Variants in EFEMP2 observed in about 807,000 individuals in gnomAD.
EFEMP2 encodes the protein EGF-containing fibulin-like extracellular matrix protein 2.
In EFEMP2, 21 loss-of-function variants were observed where a neutral mutation model predicts 55.3. The ratio of observed to expected loss-of-function variants is 0.38; its 90% CI spans 0.27 to 0.55. EFEMP2 has a LOEUF of 0.55. Among genes scored for constraint, EFEMP2 ranks in the 20% least tolerant of loss-of-function variants. The pLI is 0.77. For missense variants in EFEMP2, 513 were observed against 615.1 expected (o/e 0.83, Z 1.76); for synonymous variants, 275 against 242.3 (o/e 1.14, Z -1.25).
chr11:65,869,943 T>G lies in EFEMP2; in HGVS notation c.641A>C (p.Glu214Ala), dbSNP rs1859935059. 1 of 1,613,868 alleles carries G rather than the reference T, an allele frequency of 6.2e-7. No homozygotes were observed. The highest frequency in any genetic ancestry group is 1.1e-5 in the South Asian group (1 of 91,086). The change falls in exon 7 of 11, where the codon GAG becomes GCG. Residue 214 changes from glutamate to alanine, a missense_variant. Physicochemically the swap from Glu to Ala is moderately radical, Grantham distance 107. Coordinates refer to ENST00000307998, the MANE Select transcript of EFEMP2 (RefSeq NM_016938.5). ...CCCATAGGAGTTGAAGCAGCGCTGC[T>G]CGCATGGGGCCCCCATGTCACACTC... The part of the protein sequence containing the change: ...VNECDMGAPC[E>A]QRCFNSYGTF...
At chr11:65,872,499 G>A (rs989631225) in intron 1 of EFEMP2, 138 bp from the exon 2 acceptor site, 3 of 613,588 alleles carry the variant, frequency 4.9e-6, no homozygotes, top group African/African-American at 3.7e-5. Flanking sequence ...GCTGGGGGCC[G>A]ACTCCTCACA....
chr11:65,871,257 G>A lies in EFEMP2; in HGVS notation c.267C>T (p.Asn89=), dbSNP rs572217864. 58 of 1,613,898 alleles carry A rather than the reference G, an allele frequency of 3.6e-5. No individual in the cohort carries two copies. The highest frequency in any genetic ancestry group is 7.7e-5 in the South Asian group (7 of 91,074). ...GCGGGGGTCCCTCGCCGTGTAGGTC[G>A]TTGATGACGGCAGCGGAGCGGGGCA... ...LCLPRSAAVI[N]DLHGEGPPPP... is the part of the protein sequence containing the mutation. The change falls in exon 4 of 11, where the codon AAC becomes AAT. Residue 89 remains asparagine, a synonymous_variant. Coordinates refer to ENST00000307998, the MANE Select transcript of EFEMP2 (RefSeq NM_016938.5).
rs771815109 is a variant in EFEMP2 at position 65,867,858 on chromosome 11, T to C, written c.1170+3A>G. ...TGTCAGTTGAGGGTTGCAGAAACCT[T>C]ACCCTAATGTAAAAGTCCCCCTGCG... is the stretch of plus-strand genomic sequence containing the variant. On this transcript the variant is annotated splice_donor_region_variant and intron_variant, in intron 10 of 10. Coordinates refer to ENST00000307998, the MANE Select transcript of EFEMP2 (RefSeq NM_016938.5). The C allele has an allele frequency of 3.5e-5, 57 of 1,613,808 alleles. No individual in the cohort carries two copies. Among genetic ancestry groups the C allele is most frequent in the Non-Finnish European group, 4.3e-5 (51 of 1,179,928 alleles).
At chr11:65,871,100 G>C (rs1394522410) in intron 4 of EFEMP2, 57 bp downstream of exon 4, 1 of 1,597,962 alleles carries the variant, frequency 6.3e-7, no homozygotes, top group Non-Finnish European at 8.6e-7. Context: ...TGAGGTCTGA[G>C]TTTAAGACGC....
chr11:65,870,018 G>GA (rs1050911701), intron 6 of EFEMP2, 42 bp from the exon 7 acceptor site: 1 of 1,613,228 alleles, frequency 6.2e-7, no homozygotes, highest in African/African-American at 1.3e-5. Context: ...AAGCGGAGGA[G>GA]GAGCCCAGAG....
chr11:65,867,711 G>A, intron 10 of EFEMP2, 150 bp downstream of exon 10: 1 of 800,708 alleles, frequency 1.2e-6, no homozygotes, highest in Non-Finnish European at 2.1e-6. Flanking sequence ...TGCATTTAGA[G>A]TACCCCCGTC....
chr11:65,871,090 T>C (rs1041934523), intron 4 of EFEMP2, 67 bp downstream of exon 4: 55 of 1,569,278 alleles, frequency 3.5e-5, no homozygotes, highest in Non-Finnish European at 4.4e-5. Flanking sequence ...GGGAGGAACA[T>C]GAGGTCTGAG....
Position 65,867,074 on chromosome 11 carries a change from G to C in EFEMP2, c.1176C>G (p.Ile392Met). The C allele has an allele frequency of 6.2e-7, 1 of 1,614,078 alleles. No individual in the cohort carries two copies. Among genetic ancestry groups the C allele is most frequent in the Non-Finnish European group, 8.5e-7 (1 of 1,180,022 alleles). ...GGACCAGCATGGCGCTGACGTTGTT[G>C]ATTTGCTGCAGGGCAGTGGGTGGGG... The part of the protein sequence containing the change: ...NSQGDFYIRQ[I>M]NNVSAMLVLA... The change falls in exon 11 of 11, where the codon ATC becomes ATG. Residue 392 changes from isoleucine (I) to methionine (M), a missense_variant. Physicochemically the swap from Ile to Met is conservative, Grantham distance 10. Transcript: ENST00000307998.
chr11:65,868,118 C>T (rs1185149015), intron 9 of EFEMP2, 62 bp from the exon 10 acceptor site: 2 of 1,587,730 alleles, frequency 1.3e-6, no homozygotes, highest in Non-Finnish European at 8.6e-7. Context: ...ATTTCTCCTA[C>T]CCTACAAAGG....
chr11:65,872,029 A>T lies in EFEMP2; in HGVS notation c.112-11T>A. 1 of 1,551,550 alleles carries T rather than the reference A, an allele frequency of 6.4e-7. No individual in the cohort carries two copies. Among genetic ancestry groups the T allele is most frequent in the Non-Finnish European group, 8.7e-7 (1 of 1,146,922 alleles). Reference sequence around the variant, plus strand: ...GCCATCTGTGCATTCCTGGAAGGGAACCAGAAGTGGCCAGTGGTCACCCTA... The same window carrying T: ...GCCATCTGTGCATTCCTGGAAGGGATCCAGAAGTGGCCAGTGGTCACCCTA... On this transcript the variant is annotated splice_polypyrimidine_tract_variant and intron_variant, in intron 2 of 10. Transcript: ENST00000307998.
At position 65,866,919 on chromosome 11, in the gene EFEMP2, C is replaced by G; in HGVS notation, c.1331G>C (p.Ter444SerextTer14). 1.2e-6 allele frequency: 2 copies of G among 1,614,138 alleles called. No individual in the cohort carries two copies. The highest frequency in any genetic ancestry group is 1.7e-6 in the Non-Finnish European group (2 of 1,180,012). ...GGGAGGGTGGCTCCCTCCTGCTCCT[C>G]AGAAGGTGTAGGCCCCTACAAAGAC... ...LTVFVGAYTF[*>S] Residue 444 changes from the stop codon to serine, a stop_lost, in exon 11 of 11, where the codon TGA (stop) becomes TCA (serine). Transcript: ENST00000307998.
At chr11:65,868,967 G>C (rs767929189) in intron 7 of EFEMP2, 26 of 364,516 alleles carry the variant, frequency 7.1e-5, no homozygotes, top group Non-Finnish European at 1.3e-4. Flanking sequence ...GAGTCTTATG[G>C]GTCTGGCTTG....
At chr11:65,871,861 G>A in intron 3 of EFEMP2, 109 bp downstream of exon 3, 1 of 1,380,254 alleles carries the variant, frequency 7.2e-7, no homozygotes, top group South Asian at 1.2e-5. Context: ...GCATAGAACG[G>A]GCTGCTGGGC....
In EFEMP2 at chr11:65,866,833, T is replaced by A. The variant is rs930910946; in HGVS notation, c.*85A>T. On this transcript the variant is annotated 3_prime_UTR_variant, in exon 11 of 11. Coordinates refer to ENST00000307998, the MANE Select transcript of EFEMP2 (RefSeq NM_016938.5). The stretch of plus-strand genomic sequence containing the variant: ...ACCTCAGCCACCAGGACTTTCTTTC[T>A]CCCTTTATTGCCTTTCTCATTCTGC... 1 of 1,546,078 alleles carries A rather than the reference T, an allele frequency of 6.5e-7. No homozygotes were observed. Among genetic ancestry groups the A allele is most frequent in the Non-Finnish European group, 8.9e-7 (1 of 1,127,624 alleles).
chr11:65,870,075 C>T (rs553211572), intron 6 of EFEMP2, 46 bp downstream of exon 6: 14 of 1,613,166 alleles, frequency 8.7e-6, no homozygotes, highest in African/African-American at 5.3e-5. Flanking sequence ...CCCCACCTCA[C>T]ACCTCCCTGC....
At chr11:65,871,415 G>GACT in intron 3 of EFEMP2, 52 bp from the exon 4 acceptor site, 1 of 1,578,710 alleles carries the variant, frequency 6.3e-7, no homozygotes, top group Non-Finnish European at 8.7e-7. Context: ...TGGCCCTGGA[G>GACT]GGAGCGGAGG....
In EFEMP2 at chr11:65,867,067, C is replaced by T. The variant is rs543567156; in HGVS notation, c.1183G>A (p.Val395Ile). 1.7e-5 allele frequency: 27 copies of T among 1,614,082 alleles called. No homozygotes were observed. Among genetic ancestry groups the T allele is most frequent in the Admixed American group, 5.0e-5 (3 of 60,020 alleles). The change falls in exon 11 of 11, where the codon GTC (valine) becomes ATC (isoleucine). Residue 395 changes from valine to isoleucine, a missense_variant. Val to Ile is a conservative substitution (Grantham distance 29). Coordinates refer to ENST00000307998, the MANE Select transcript of EFEMP2 (RefSeq NM_016938.5). ...CGGGCGAGGACCAGCATGGCGCTGA[C>T]GTTGTTGATTTGCTGCAGGGCAGTG... ...GDFYIRQINN[V>I]SAMLVLARPV...
chr11:65,867,901 T>G lies in EFEMP2; in HGVS notation c.1130A>C (p.Gln377Pro). The change falls in exon 10 of 11, where the codon CAG (glutamine) becomes CCG (proline). Residue 377 changes from glutamine (Q) to proline (P), a missense_variant. Coordinates refer to ENST00000307998, the MANE Select transcript of EFEMP2 (RefSeq NM_016938.5). Reference sequence around the variant, plus strand: ...CCCCTGCGAGTTTCCAGCACGGATCTGAAAGGCATTGTAGGCACCGGGGTA... The same window carrying G: ...CCCCTGCGAGTTTCCAGCACGGATCGGAAAGGCATTGTAGGCACCGGGGTA... ...SVYPGAYNAF[Q>P]IRAGNSQGDF... 6.2e-7 allele frequency: 1 copy of G among 1,614,158 alleles called. No individual in the cohort carries two copies. Among genetic ancestry groups the G allele is most frequent in the Non-Finnish European group, 8.5e-7 (1 of 1,180,036 alleles).
At position 65,866,778 on chromosome 11, in the gene EFEMP2, G is replaced by T; in HGVS notation, c.*140C>A. On this transcript the variant is annotated 3_prime_UTR_variant, in exon 11 of 11. Transcript: ENST00000307998. ...CCCCCCCAAGTGCCACCCTGCCCCA[G>T]CCTGAGGCTTCCTGCAGTGTGACCC... The T allele has an allele frequency of 8.8e-7, 1 of 1,133,830 alleles. No individual in the cohort carries two copies. Among genetic ancestry groups the T allele is most frequent in the Non-Finnish European group, 1.3e-6 (1 of 770,788 alleles). 70.2% of individuals were successfully genotyped at this position (1,133,830 alleles called of 1,614,324 possible). A position where few individuals can be genotyped will look rare whatever the true frequency, so the allele number is the denominator to read the frequency against.
Sources: gnomAD v4.1 joint callset for allele counts on GRCh38, gnomAD v4.1.1 for gene constraint, MANE v1.5 for transcripts, NCBI Gene and HGNC (gene_info 2026-07-23, HGNC 2026-07-21) for gene names.